Variants in SMC1A observed in about 807,000 individuals in gnomAD.
SMC1A encodes structural maintenance of chromosomes protein 1A.
SMC1A carries 4 observed loss-of-function variants against 94.5 expected under a neutral mutation model. The ratio of observed to expected loss-of-function variants is 0.04; its 90% confidence interval spans 0.02 to 0.10. The LOEUF is 0.10. Ranked by LOEUF, SMC1A falls within the 10% of genes least tolerant of loss-of-function variation. The probability of loss-of-function intolerance (pLI) is 1.00; values close to 1 mark genes in which losing one functional copy is unlikely to be tolerated. For synonymous variants in SMC1A, 345 were observed against 347.7 expected (o/e 0.99, Z 0.09); for missense variants, 304 against 989.0 (o/e 0.31, Z 9.29).
Position 53,422,604 on chromosome X carries a change from G to A in SMC1A, c.-4C>T. 8.6e-7 allele frequency: 1 copy of A among 1,158,834 alleles called. No individual in the cohort carries two copies. Among genetic ancestry groups the A allele is most frequent in the South Asian group, 1.8e-5 (1 of 55,745 alleles). On this transcript the variant is annotated 5_prime_UTR_variant, in exon 1 of 25. Coordinates refer to ENST00000322213, the MANE Select transcript of SMC1A (RefSeq NM_006306.4). ...CAATCAGTTTCAGGAACCCCATGAC[G>A]GCCGCGGCGCCGGCGGCAGTAGGAC... is the stretch of plus-strand genomic sequence containing the variant.
At chrX:53,386,729 A>G (rs2146585856) in intron 19 of SMC1A, among the ~76,000 whole-genome samples, 1 of 111,880 alleles carries the variant, frequency 8.9e-6, no homozygotes, top group Non-Finnish European at 1.9e-5. Flanking sequence ...CAAGTTTTCC[A>G]TAGGCTTGAA....
At chrX:53,418,617 A>G (rs1299030495) in intron 1 of SMC1A, among the ~76,000 whole-genome samples, 2 of 112,434 alleles carry the variant, frequency 1.8e-5, no homozygotes, top group Non-Finnish European at 3.8e-5. Context: ...GGATTTTTGC[A>G]GAAGCAGGGT....
chrX:53,414,488 T>G (rs1221293391), intron 3 of SMC1A, among the ~76,000 whole-genome samples: 1 of 111,868 alleles, frequency 8.9e-6, no homozygotes, highest in Non-Finnish European at 1.9e-5. Flanking sequence ...ATACTGCTGG[T>G]CTGGAGACTA....
intron 19 of SMC1A, among the ~76,000 whole-genome samples, chrX:53,392,598 C>A: frequency 9.1e-6 from 1 of 110,444 alleles, no homozygotes; most frequent in Non-Finnish European, 1.9e-5. Context: ...CAGGTATGCA[C>A]CACCATGCCC....
intron 16 of SMC1A, among the ~76,000 whole-genome samples, chrX:53,399,336 T>C (rs1463523308): frequency 8.9e-6 from 1 of 112,737 alleles, no homozygotes; most frequent in Non-Finnish European, 1.9e-5. Flanking sequence ...ACAAAATACA[T>C]TGTATCTAAT....
At position 53,413,136 on chromosome X, in the gene SMC1A, A is replaced by T; in HGVS notation, c.618T>A (p.Ala206=). The T allele has an allele frequency of 3.3e-6, 4 of 1,211,949 alleles. No individual in the cohort carries two copies. The highest frequency in any genetic ancestry group is 4.5e-6 in the Non-Finnish European group (4 of 895,586). ...RKEAKQEKEE[A]DRYQRLKDEV... is the part of the protein sequence containing the mutation. ...CATCCTTCAGGCGCTGGTACCGGTC[A>T]GCCTGTGCAAACAGGGGAATGGTGG... Residue 206 remains alanine, a splice_region_variant and synonymous_variant, in exon 5 of 25, where the codon GCT becomes GCA. Transcript: ENST00000322213.
intron 19 of SMC1A, among the ~76,000 whole-genome samples, chrX:53,389,505 C>T (rs782643724): frequency 4.5e-5 from 5 of 110,986 alleles, no homozygotes; most frequent in East Asian, 2.9e-4. Flanking sequence ...CCGAGGCGGG[C>T]GGATCACAAA....
chrX:53,387,081 T>A (rs1269439352), intron 19 of SMC1A, among the ~76,000 whole-genome samples: 4 of 112,196 alleles, frequency 3.6e-5, no homozygotes, highest in Non-Finnish European at 5.6e-5. Context: ...CTGCAACCTC[T>A]GCCTCCCAGG....
Position 53,405,309 on chromosome X carries a change from C to T in SMC1A, c.1994G>A (p.Arg665His). ...CTTGTCTACTGCTTTCTCATCCCAG[C>T]GCCGTGCCTTGGCCTTCAGGTCACT... is the stretch of plus-strand genomic sequence containing the variant. ...GASDLKAKAR[R>H]WDEKAVDKLK... The change falls in exon 12 of 25, where the codon CGC becomes CAC. Residue 665 changes from arginine (R) to histidine (H), a missense_variant. Coordinates refer to ENST00000322213, the MANE Select transcript of SMC1A (RefSeq NM_006306.4). 1 of 1,211,699 alleles carries T rather than the reference C, an allele frequency of 8.3e-7. No individual in the cohort carries two copies. The highest frequency in any genetic ancestry group is 1.1e-6 in the Non-Finnish European group (1 of 895,486).
intron 19 of SMC1A, among the ~76,000 whole-genome samples, chrX:53,385,783 C>A (rs2075602501): frequency 9.0e-6 from 1 of 111,483 alleles, no homozygotes; most frequent in African/African-American, 3.3e-5. Flanking sequence ...CTTCATGTAC[C>A]TTGTTTTATA....
intron 1 of SMC1A, among the ~76,000 whole-genome samples, chrX:53,420,568 C>G (rs887454310): frequency 1.8e-5 from 2 of 110,224 alleles, no homozygotes; most frequent in Non-Finnish European, 3.8e-5. Flanking sequence ...AAACAGGGTC[C>G]CAATAAATAA....
At chrX:53,395,022 T>C (rs1250479105) in intron 18 of SMC1A, 134 bp from the exon 19 acceptor site, 17 of 505,076 alleles carry the variant, frequency 3.4e-5, no homozygotes, top group Non-Finnish European at 5.7e-5. Context: ...AACAGAGGCT[T>C]TGCAGGCAGA....
intron 6 of SMC1A, 43 bp from the exon 7 acceptor site, chrX:53,411,944 G>A (rs2075714716): frequency 2.5e-6 from 3 of 1,211,284 alleles, no homozygotes; most frequent in African/African-American, 3.5e-5. Flanking sequence ...GACCAAGTCA[G>A]CAGATGTCAG....
At chrX:53,404,180 G>A (rs2075682189) in intron 13 of SMC1A, among the ~76,000 whole-genome samples, 1 of 111,210 alleles carries the variant, frequency 9.0e-6, no homozygotes, top group Admixed American at 9.6e-5. Flanking sequence ...GGGCAGAGTT[G>A]TTTCAGAATT....
At chrX:53,387,140 C>T (rs1442260427) in intron 19 of SMC1A, among the ~76,000 whole-genome samples, 1 of 111,332 alleles carries the variant, frequency 9.0e-6, no homozygotes, top group Non-Finnish European at 1.9e-5. Flanking sequence ...GGACTACAGG[C>T]GCCTGCCACC....
chrX:53,390,200 C>T (rs1479598329), intron 19 of SMC1A, among the ~76,000 whole-genome samples: 5 of 92,851 alleles, frequency 5.4e-5, no homozygotes, highest in East Asian at 4.3e-4. Flanking sequence ...TGTCAGGGGG[C>T]GGGGGGGCCG....
At chrX:53,402,130 T>C (rs1312151320) in intron 15 of SMC1A, among the ~76,000 whole-genome samples, 4 of 111,526 alleles carry the variant, frequency 3.6e-5, no homozygotes, top group Non-Finnish European at 7.5e-5. Context: ...AGGAAAGAAA[T>C]ACAGTCTGAT....
chrX:53,408,794 G>A (rs1185780890), intron 9 of SMC1A, among the ~76,000 whole-genome samples: 2 of 100,771 alleles, frequency 2.0e-5, no homozygotes, highest in African/African-American at 7.4e-5. Context: ...AGACGCAATT[G>A]GTATGATGAA....
rs782002189 is a variant in SMC1A, at chrX:53,413,065, T to C, written c.689A>G (p.His230Arg). Residue 230 changes from histidine to arginine, a missense_variant, in exon 5 of 25, where the codon CAT becomes CGT. By Grantham distance (29) the His-to-Arg change is conservative. This residue lies in a region of SMC1A where 120 missense variants were observed against 314.9 expected (regional missense o/e 0.38). Transcript: ENST00000322213. ...GAGCTTCTCAATTTCCACTTCATTA[T>C]GGTAAAGCTTAAAGAGCTGCAGCTG... ...QVQLQLFKLY[H>R]NEVEIEKLNK... is the part of the protein sequence containing the mutation. The C allele has an allele frequency of 2.5e-6, 3 of 1,211,737 alleles. No individual in the cohort carries two copies. The highest frequency in any genetic ancestry group is 3.0e-5 in the East Asian group (1 of 33,851).
Sources: gnomAD v4.1 joint callset for allele counts (sites outside exome capture counted in the v4.1 genomes callset) on GRCh38, gnomAD v4.1.1 for gene constraint, gnomAD v4.1.1 regional missense constraint, MANE v1.5 for transcripts, NCBI Gene and HGNC (gene_info 2026-07-23, HGNC 2026-07-21) for gene names.